FRY: variants seen among roughly 807,000 people sequenced by gnomAD.
FRY encodes the protein FRY microtubule binding protein.
A neutral mutation model predicts 348.4 loss-of-function variants in FRY; 128 were observed. The ratio of observed to expected loss-of-function variants is 0.37; its 90% confidence interval spans 0.32 to 0.43. The LOEUF (loss-of-function observed/expected upper bound fraction) is 0.43. Among genes scored for constraint, FRY ranks in the 20% least tolerant of loss-of-function variants. The pLI, the probability that FRY is intolerant of heterozygous loss-of-function variation, is 1.00. For synonymous variants in FRY, 1,370 were observed against 1,374.7 expected (o/e 1.00, Z 0.08); for missense variants, 2,736 against 3,695.2 (o/e 0.74, Z 6.73).
intron 1 of FRY, among the ~76,000 whole-genome samples, chr13:32,034,069 C>T (rs1328254326): frequency 1.3e-5 from 2 of 152,204 alleles, no homozygotes; most frequent in Non-Finnish European, 2.9e-5. Flanking sequence ...CACGCGCATG[C>T]CTGGCCTCAC....
intron 14 of FRY, 54 bp downstream of exon 14, chr13:32,149,888 C>A: frequency 8.9e-7 from 1 of 1,121,296 alleles, no homozygotes. Flanking sequence ...CGGAGCCATA[C>A]CTTTGCTTTG....
At chr13:32,269,176 A>G (rs952909336) in intron 55 of FRY, among the ~76,000 whole-genome samples, 1 of 152,200 alleles carries the variant, frequency 6.6e-6, no homozygotes, top group Non-Finnish European at 1.5e-5. Context: ...CAAAAGTGCA[A>G]AACTAAAATT....
chr13:32,216,590 A>G (rs1885005326), intron 35 of FRY, among the ~76,000 whole-genome samples: 1 of 152,150 alleles, frequency 6.6e-6, no homozygotes, highest in Non-Finnish European at 1.5e-5. Flanking sequence ...CCCGACGGAA[A>G]CCTGCAGATG....
At chr13:32,103,548 C>T (rs1310534837) in intron 3 of FRY, among the ~76,000 whole-genome samples, 1 of 152,124 alleles carries the variant, frequency 6.6e-6, no homozygotes, top group East Asian at 1.9e-4. Context: ...GGAGATATAC[C>T]TAATGTTAAA....
At chr13:32,031,964 G>A (rs949176710) in intron 1 of FRY, 99 bp downstream of exon 1, 4 of 702,032 alleles carry the variant, frequency 5.7e-6, no homozygotes, top group East Asian at 2.7e-5. Context: ...TTTGTGAGCC[G>A]CGGAAGTTTT....
At chr13:32,098,625 T>C (rs958578739) in intron 2 of FRY, among the ~76,000 whole-genome samples, 1 of 151,942 alleles carries the variant, frequency 6.6e-6, no homozygotes, top group Admixed American at 6.5e-5. Context: ...AGCTGAGGTT[T>C]GAATAATGAA....
rs369792017 is a variant in FRY, at chr13:32,244,126, G to A, written c.6772G>A (p.Val2258Ile). The change falls in exon 47 of 61, where the codon GTT becomes ATT. Residue 2258 changes from valine to isoleucine, a missense_variant. Physicochemically the swap from Val to Ile is conservative, Grantham distance 29 (BLOSUM62 3). Around this residue, in one of 9 missense-constraint regions of FRY, gnomAD observed 789 missense variants for 996.2 expected, o/e 0.79. Coordinates refer to ENST00000542859, the MANE Select transcript of FRY (RefSeq NM_023037.3). ...TCTCAGCTACATGGACCTTTCTGTC[G>A]TTCCTGTCAAACAGTTCAATGTGGA... is the stretch of plus-strand genomic sequence containing the variant. ...SLLSYMDLSV[V>I]PVKQFNVEVL... 133 of 1,613,814 alleles carry A rather than the reference G, an allele frequency of 8.2e-5. No individual in the cohort carries two copies. The highest frequency in any genetic ancestry group is 3.3e-4 in the Middle Eastern group (2 of 6,062).
chr13:32,044,258 G>T (rs1268166264), intron 1 of FRY, among the ~76,000 whole-genome samples: 1 of 152,144 alleles, frequency 6.6e-6, no homozygotes, highest in Non-Finnish European at 1.5e-5. Context: ...GGAAATAACA[G>T]TATTTTCCAG....
chr13:32,104,606 A>G (rs1222549759), intron 3 of FRY, among the ~76,000 whole-genome samples: 1 of 152,222 alleles, frequency 6.6e-6, no homozygotes, highest in Non-Finnish European at 1.5e-5. Flanking sequence ...AGAGAGGACA[A>G]GCCACAAAAT....
intron 38 of FRY, 146 bp downstream of exon 38, chr13:32,225,182 C>A: frequency 1.4e-6 from 1 of 697,580 alleles, no homozygotes; most frequent in Non-Finnish European, 2.6e-6. Flanking sequence ...CCTTTTGTGA[C>A]ATCTGCTCTG....
intron 36 of FRY, among the ~76,000 whole-genome samples, chr13:32,220,870 A>G (rs1166541736): frequency 6.6e-6 from 1 of 152,200 alleles, no homozygotes; most frequent in Admixed American, 6.5e-5. Flanking sequence ...ATCCTGGATG[A>G]TTATCTGAGA....
chr13:32,207,481 A>G (rs1369043663), intron 31 of FRY, among the ~76,000 whole-genome samples: 1 of 152,210 alleles, frequency 6.6e-6, no homozygotes, highest in East Asian at 1.9e-4. Context: ...ATCATTTGTC[A>G]GTCTTTGCTG....
At chr13:32,198,254 C>A (rs1222868872) in intron 29 of FRY, among the ~76,000 whole-genome samples, 3 of 152,138 alleles carry the variant, frequency 2.0e-5, no homozygotes, top group African/African-American at 7.2e-5. Flanking sequence ...CTTTAAATCT[C>A]CAGCGATCCA....
At chr13:32,083,071 T>C (rs987772595) in intron 2 of FRY, among the ~76,000 whole-genome samples, 6 of 152,150 alleles carry the variant, frequency 3.9e-5, no homozygotes, top group East Asian at 1.9e-4. Flanking sequence ...GTACTTCTAT[T>C]TGATGTAAAT....
At chr13:32,079,869 G>A (rs1026184129) in intron 2 of FRY, among the ~76,000 whole-genome samples, 1 of 152,218 alleles carries the variant, frequency 6.6e-6, no homozygotes, top group African/African-American at 2.4e-5. Flanking sequence ...TACCTCCTGT[G>A]AGGTTACTGG....
At chr13:32,212,415 T>C (rs1452257551) in intron 35 of FRY, 33 bp downstream of exon 35, 4 of 1,248,792 alleles carry the variant, frequency 3.2e-6, no homozygotes, top group Admixed American at 3.6e-5. Flanking sequence ...ATATCCAGTG[T>C]AATGTTCTGC....
intron 11 of FRY, among the ~76,000 whole-genome samples, chr13:32,143,723 T>G (rs530361337): frequency 1.3e-5 from 2 of 152,324 alleles, no homozygotes; most frequent in East Asian, 3.9e-4. Flanking sequence ...GAAAAGATGT[T>G]TCTACTAGAA....
chr13:32,172,857 T>C (rs939741273), intron 18 of FRY, among the ~76,000 whole-genome samples: 5 of 152,226 alleles, frequency 3.3e-5, no homozygotes, highest in Admixed American at 3.3e-4. Context: ...ACTGGCTTGC[T>C]TTTACTTTAG....
chr13:32,273,704 C>T (rs1888337749), intron 55 of FRY, among the ~76,000 whole-genome samples: 1 of 152,186 alleles, frequency 6.6e-6, no homozygotes, highest in South Asian at 2.1e-4. Context: ...AGTTTCCGTG[C>T]TGTCTCAAGG....
Sources: allele counts gnomAD v4.1 joint callset (sites outside exome capture counted in the v4.1 genomes callset), GRCh38; gene constraint gnomAD v4.1.1; regional missense constraint gnomAD v4.1.1; transcripts MANE v1.5; gene names NCBI Gene and HGNC (gene_info 2026-07-23, HGNC 2026-07-21).